Variants in PTPRD observed in about 807,000 individuals in gnomAD.
PTPRD encodes receptor-type tyrosine-protein phosphatase delta.
Under a neutral mutation model 214.5 loss-of-function variants are expected in PTPRD, and 34 were observed. That is an observed-to-expected ratio of 0.16 (90% CI 0.12 to 0.21). The LOEUF is 0.21. Ranked by LOEUF, PTPRD falls within the 10% of genes least tolerant of loss-of-function variation. PTPRD has a pLI of 1.00. For synonymous variants in PTPRD, 1,128 were observed against 845.7 expected, an observed-to-expected ratio of 1.33 and a Z score of -5.79; for missense variants, 2,545 against 2,398.7, an observed-to-expected ratio of 1.06 and a Z score of -1.27.
chr9:9,899,854 C>G (rs1009745512), intron 5 of PTPRD, among the ~76,000 whole-genome samples: 4 of 151,928 alleles, frequency 2.6e-5, no homozygotes, highest in Admixed American at 6.6e-5. Flanking sequence ...AGATGGAACA[C>G]TAGTCTTAAG....
intron 3 of PTPRD, among the ~76,000 whole-genome samples, chr9:10,066,591 G>A (rs1039241103): frequency 6.6e-6 from 1 of 151,702 alleles, no homozygotes; most frequent in African/African-American, 2.4e-5. Flanking sequence ...TCCATGGGGG[G>A]ACTTCCTACT....
intron 43 of PTPRD, among the ~76,000 whole-genome samples, chr9:8,336,023 G>A (rs1295823490): frequency 6.6e-6 from 1 of 151,784 alleles, no homozygotes; most frequent in Non-Finnish European, 1.5e-5. Context: ...CGTGAAAATG[G>A]CCATACTGCC....
intron 8 of PTPRD, among the ~76,000 whole-genome samples, chr9:9,439,979 A>G (rs1453873929): frequency 1.3e-5 from 2 of 152,230 alleles, no homozygotes; most frequent in Admixed American, 1.3e-4. Flanking sequence ...ATGACATAGT[A>G]AAGTCACTAC....
chr9:9,943,759 C>G (rs1051710213), intron 4 of PTPRD, among the ~76,000 whole-genome samples: 1 of 152,048 alleles, frequency 6.6e-6, no homozygotes, highest in African/African-American at 2.4e-5. Context: ...TAGAAACAGC[C>G]TTAAACCCAT....
intron 35 of PTPRD, among the ~76,000 whole-genome samples, chr9:8,411,548 C>T (rs746367464): frequency 1.3e-5 from 2 of 152,160 alleles, no homozygotes; most frequent in Non-Finnish European, 2.9e-5. Flanking sequence ...AAGTGATCCA[C>T]CTGCCTTGGC....
At chr9:10,409,531 C>G (rs2098412688) in intron 2 of PTPRD, among the ~76,000 whole-genome samples, 2 of 151,716 alleles carry the variant, frequency 1.3e-5, no homozygotes, top group Admixed American at 6.6e-5. Context: ...AACTCTTACT[C>G]ACTTTTAAAA....
At position 10,493,065 on chromosome 9, in the gene PTPRD, A is replaced by G. The variant is rs557685648; in HGVS notation, c.-600+119333T>C. ...AGAGATGTGAGGGACCTGTTCAAGG[A>G]GAACTTCAAACCCCTGCTGACGGAA... On this transcript the variant is annotated intron_variant, in intron 2 of 45. Transcript: ENST00000381196. Among the ~76,000 whole-genome samples, 7 of 152,298 alleles carry G rather than the reference A, an allele frequency of 4.6e-5. No homozygotes were observed. In the East Asian group the frequency reaches 7.7e-4, roughly 17 times the overall value.
intron 5 of PTPRD, among the ~76,000 whole-genome samples, chr9:9,844,537 A>C (rs1299029828): frequency 6.6e-6 from 1 of 152,010 alleles, no homozygotes. Flanking sequence ...TTAAATTCCA[A>C]GTAAATATTT....
intron 11 of PTPRD, among the ~76,000 whole-genome samples, chr9:8,955,913 C>T (rs892389648): frequency 1.3e-5 from 2 of 151,870 alleles, no homozygotes; most frequent in Non-Finnish European, 2.9e-5. Context: ...TACACACACA[C>T]CTTATTTTAC....
intron 11 of PTPRD, among the ~76,000 whole-genome samples, chr9:8,853,008 T>A (rs12552422): frequency 0.18 from 26,995 of 152,138 alleles, 2,952 homozygotes; most frequent in Non-Finnish European, 0.24. Context: ...GTAAAGTACA[T>A]AATGTCTAAG....
In PTPRD at chr9:8,948,481, T is replaced by TTATATATATATTTATATATATATTTA. The variant is rs1567183047; in HGVS notation, c.-104+70190_-104+70215dup. On this transcript the variant is annotated intron_variant, in intron 11 of 45. Transcript: ENST00000381196. ...TATATATATTTACATATATATATAT[T>TTATATATATATTTATATATATATTTA]TATATATATATTTATATATATATTT... is the stretch of plus-strand genomic sequence containing the variant. Among the ~76,000 whole-genome samples the TTATATATATATTTATATATATATTTA allele has an allele frequency of 3.3e-4, 5 of 15,244 alleles. 1 individual carries two copies. The highest frequency in any genetic ancestry group is 6.0e-4 in the Non-Finnish European group (4 of 6,710). The allele number at this position is 15,244 out of a possible 152,430, so 10.0% of individuals were successfully genotyped here. A position where few individuals can be genotyped will look rare whatever the true frequency, so the allele number is the denominator to read the frequency against.
intron 8 of PTPRD, among the ~76,000 whole-genome samples, chr9:9,522,809 G>A (rs199919364): frequency 6.6e-6 from 1 of 152,310 alleles, no homozygotes; most frequent in African/African-American, 2.4e-5. Flanking sequence ...AACAACTAGA[G>A]TGAGCAGCAT....
chr9:9,770,704 T>C (rs1015963094), intron 5 of PTPRD, among the ~76,000 whole-genome samples: 4 of 152,158 alleles, frequency 2.6e-5, no homozygotes, highest in African/African-American at 4.8e-5. Context: ...GCCATGTTTG[T>C]TTGTTGATTG....
At chr9:10,145,951 A>G (rs2099019480) in intron 3 of PTPRD, among the ~76,000 whole-genome samples, 1 of 150,830 alleles carries the variant, frequency 6.6e-6, no homozygotes, top group Admixed American at 6.6e-5. Context: ...ATGTTTATAA[A>G]CAGTTAATTA....
At chr9:8,457,298 T>C (rs2096244027) in intron 33 of PTPRD, among the ~76,000 whole-genome samples, 1 of 152,154 alleles carries the variant, frequency 6.6e-6, no homozygotes, top group Admixed American at 6.6e-5. Context: ...GTTGCTACTA[T>C]CTTATCTCTG....
At chr9:9,477,834 G>A (rs2382016) in intron 8 of PTPRD, among the ~76,000 whole-genome samples, 105,436 of 152,050 alleles carry the variant, frequency 0.69, 36,624 homozygotes, top group South Asian at 0.74. Flanking sequence ...AAACAACACA[G>A]CCAATGTTAA....
At chr9:9,376,135 G>A (rs569744325) in intron 9 of PTPRD, among the ~76,000 whole-genome samples, 21 of 152,016 alleles carry the variant, frequency 1.4e-4, no homozygotes, top group Middle Eastern at 3.4e-3. Context: ...ATTATGTTAC[G>A]TATTTCAGTG....
chr9:9,254,437 T>G (rs2099976848), intron 9 of PTPRD, among the ~76,000 whole-genome samples: 2 of 152,132 alleles, frequency 1.3e-5, no homozygotes, highest in Admixed American at 1.3e-4. Context: ...TTAGCTTTTT[T>G]GGTTAGCTAC....
At chr9:9,653,886 T>A (rs1266820379) in intron 7 of PTPRD, among the ~76,000 whole-genome samples, 2 of 152,334 alleles carry the variant, frequency 1.3e-5, no homozygotes, top group Non-Finnish European at 2.9e-5. Flanking sequence ...TTGAAATCTA[T>A]TATTATTTTC....
Sources: allele counts gnomAD v4.1 joint callset (sites outside exome capture counted in the v4.1 genomes callset), GRCh38; gene constraint gnomAD v4.1.1; transcripts MANE v1.5; gene names NCBI Gene and HGNC (gene_info 2026-07-23, HGNC 2026-07-21).